UGT2B4: variants seen among roughly 807,000 people sequenced by gnomAD.
UGT2B4 encodes the protein UDP glucuronosyltransferase family 2 member B4.
In UGT2B4, 49 loss-of-function variants were observed where a neutral mutation model predicts 49.8. The ratio of observed to expected loss-of-function variants is 0.98; its 90% CI spans 0.78 to 1.25. UGT2B4 has a LOEUF of 1.25. UGT2B4 is among the 50% of genes most tolerant of loss of function. The probability of loss-of-function intolerance (pLI) is 0.00; values close to 1 mark genes in which losing one functional copy is unlikely to be tolerated. For missense variants in UGT2B4, 729 were observed against 627.7 expected (o/e 1.16, Z -1.73); for synonymous variants, 246 against 217.7 (o/e 1.13, Z -1.14).
intron 1 of UGT2B4, among the ~76,000 whole-genome samples, chr4:69,525,055 C>T (rs868451414): frequency 3.9e-5 from 6 of 152,116 alleles, no homozygotes; most frequent in Non-Finnish European, 8.8e-5. Context: ...AAATTGGAGA[C>T]CTTACATAGC....
At chr4:69,522,045 A>G (rs1420202427) in intron 1 of UGT2B4, among the ~76,000 whole-genome samples, 1 of 152,224 alleles carries the variant, frequency 6.6e-6, no homozygotes, top group East Asian at 1.9e-4. Flanking sequence ...TGTGTTCCTG[A>G]GGAAAACATC....
At chr4:69,490,822 A>AG (rs1727964201) in intron 2 of UGT2B4, among the ~76,000 whole-genome samples, 1 of 152,160 alleles carries the variant, frequency 6.6e-6, no homozygotes, top group Non-Finnish European at 1.5e-5. Flanking sequence ...AGTTACCTGT[A>AG]GCCACATTTG....
At chr4:69,497,168 T>C (rs41299956), upstream of UGT2B4, among the ~76,000 whole-genome samples, 1 of 152,310 alleles carries the variant, frequency 6.6e-6, no homozygotes, top group Non-Finnish European at 1.5e-5. Flanking sequence ...AGGTCCAGCA[T>C]ACTGATGAAA....
chr4:69,491,444 A>T (rs1003565266), intron 2 of UGT2B4, among the ~76,000 whole-genome samples: 2 of 152,118 alleles, frequency 1.3e-5, no homozygotes, highest in Non-Finnish European at 2.9e-5. Flanking sequence ...AATATATTAT[A>T]AAACCAATGG....
intron 1 of UGT2B4, among the ~76,000 whole-genome samples, chr4:69,504,788 A>T (rs1728428980): frequency 6.6e-6 from 1 of 152,110 alleles, no homozygotes; most frequent in Non-Finnish European, 1.5e-5. Flanking sequence ...TATCATCAAG[A>T]CACAAAATTA....
chr4:69,500,302 C>T (rs1418325897), upstream of UGT2B4, among the ~76,000 whole-genome samples: 10 of 152,074 alleles, frequency 6.6e-5, no homozygotes, highest in African/African-American at 1.4e-4. Context: ...CTTAATACTT[C>T]GGTGATGGGT....
At chr4:69,487,577 C>G (rs1479169847) in intron 3 of UGT2B4, among the ~76,000 whole-genome samples, 2 of 151,858 alleles carry the variant, frequency 1.3e-5, no homozygotes, top group African/African-American at 4.8e-5. Flanking sequence ...GAATAACATA[C>G]ACTGGGGCTT....
intron 1 of UGT2B4, among the ~76,000 whole-genome samples, chr4:69,504,324 A>C (rs1405704567): frequency 2.0e-5 from 3 of 152,174 alleles, no homozygotes; most frequent in Non-Finnish European, 4.4e-5. Flanking sequence ...GAAAGTCAAA[A>C]ATGATAATAA....
At chr4:69,500,651 A>AAGAAAGAAAGAC (rs1433246957), upstream of UGT2B4, among the ~76,000 whole-genome samples, 3 of 135,660 alleles carry the variant, frequency 2.2e-5, no homozygotes, top group African/African-American at 7.5e-5. Flanking sequence ...GAAAGAAAGA[A>AAGAAAGAAAGAC]AGAAAGAAAG....
rs776668037 is a variant in UGT2B4 at position 69,480,832 on chromosome 4, C to T, written c.1389G>A (p.Trp463Ter). 1.2e-6 allele frequency: 2 copies of T among 1,613,830 alleles called. No homozygotes were observed. The highest frequency in any genetic ancestry group is 1.7e-6 in the Non-Finnish European group (2 of 1,179,832). The change falls in exon 6 of 6, where the codon TGG (tryptophan) becomes TGA (stop). Residue 463 changes from tryptophan (W) to a stop codon, truncating the protein, a stop_gained. Transcript: ENST00000305107. LOFTEE classifies it high-confidence loss of function. ...CTTTATGGCGCATGACAAATTCAAT[C>T]CAGAAGACTGCTCGATCAAGGGGCT... ...PVKPLDRAVF[W>*]IEFVMRHKGA...
intron 1 of UGT2B4, among the ~76,000 whole-genome samples, chr4:69,510,253 G>A (rs1243901818): frequency 6.6e-6 from 1 of 152,076 alleles, no homozygotes; most frequent in Non-Finnish European, 1.5e-5. Flanking sequence ...AATTATTGTA[G>A]CATTTAATAT....
intron 1 of UGT2B4, among the ~76,000 whole-genome samples, chr4:69,513,573 T>C (rs769886063): frequency 2.3e-4 from 35 of 152,138 alleles, no homozygotes; most frequent in Non-Finnish European, 2.4e-4. Flanking sequence ...TTTTTTCTTT[T>C]CATATAAATT....
At chr4:69,481,017 T>C (rs1727571913) in intron 5 of UGT2B4, 107 bp from the exon 6 acceptor site, 1 of 1,249,116 alleles carries the variant, frequency 8.0e-7, no homozygotes, top group Non-Finnish European at 1.1e-6. Context: ...GGCGGGCGGA[T>C]CACGAGGTCA....
intron 2 of UGT2B4, among the ~76,000 whole-genome samples, chr4:69,490,266 G>C (rs774739811): frequency 6.6e-6 from 1 of 152,056 alleles, no homozygotes. Flanking sequence ...ATACAGAATC[G>C]TACAGTATGT....
At chr4:69,504,077 A>G (rs1728407270) in intron 1 of UGT2B4, among the ~76,000 whole-genome samples, 1 of 152,192 alleles carries the variant, frequency 6.6e-6, no homozygotes, top group African/African-American at 2.4e-5. Flanking sequence ...AAAATAAGCA[A>G]AGGTCAGCAA....
At chr4:69,523,725 A>G (rs1728898167) in intron 1 of UGT2B4, among the ~76,000 whole-genome samples, 1 of 152,130 alleles carries the variant, frequency 6.6e-6, no homozygotes, top group African/African-American at 2.4e-5. Context: ...CTTTAAAGCC[A>G]GGCATTGACT....
At chr4:69,488,939 C>A (rs1368186795) in intron 3 of UGT2B4, among the ~76,000 whole-genome samples, 1 of 152,022 alleles carries the variant, frequency 6.6e-6, no homozygotes, top group Non-Finnish European at 1.5e-5. Context: ...TAGGCCTATT[C>A]CAAAATGTAC....
upstream of UGT2B4, among the ~76,000 whole-genome samples, chr4:69,496,642 A>C (rs1043602815): frequency 2.8e-4 from 42 of 152,198 alleles, no homozygotes; most frequent in African/African-American, 9.4e-4. Flanking sequence ...TCCTAAAAAT[A>C]AACCCTATAA....
At chr4:69,497,672 T>C (rs1728202591), upstream of UGT2B4, among the ~76,000 whole-genome samples, 1 of 152,186 alleles carries the variant, frequency 6.6e-6, no homozygotes, top group African/African-American at 2.4e-5. Context: ...GAAAAGAAAG[T>C]TGTTTCTTGA....
Sources: allele counts gnomAD v4.1 joint callset (sites outside exome capture counted in the v4.1 genomes callset), GRCh38; gene constraint gnomAD v4.1.1; transcripts MANE v1.5; gene names NCBI Gene and HGNC (gene_info 2026-07-23, HGNC 2026-07-21).